Variants in TNC observed in about 807,000 individuals in gnomAD.
TNC encodes the protein tenascin C.
Under a neutral mutation model 202.4 loss-of-function variants are expected in TNC, and 109 were observed. The ratio of observed to expected loss-of-function variants is 0.54; its 90% CI spans 0.46 to 0.63. The LOEUF is 0.63. TNC is among the 30% of genes least tolerant of loss of function. TNC has a pLI of 0.00. For synonymous variants in TNC, 1,007 were observed against 1,089.7 expected (o/e 0.92, Z 1.50); for missense variants, 2,756 against 2,833.3 (o/e 0.97, Z 0.62).
At chr9:115,111,512 G>A (rs1330494809) in intron 1 of TNC, among the ~76,000 whole-genome samples, 1 of 139,710 alleles carries the variant, frequency 7.2e-6, no homozygotes, top group Admixed American at 7.8e-5. Context: ...AAGTTCAAGT[G>A]ATTCTCCTGC....
intron 15 of TNC, among the ~76,000 whole-genome samples, chr9:115,053,215 G>C (rs1831842681): frequency 6.6e-6 from 1 of 152,132 alleles, no homozygotes; most frequent in African/African-American, 2.4e-5. Flanking sequence ...GTGTATATTT[G>C]TGTTCTTTAT....
chr9:115,052,027 G>GATAC (rs1564441752), intron 15 of TNC, among the ~76,000 whole-genome samples: 1 of 149,718 alleles, frequency 6.7e-6, no homozygotes, highest in African/African-American at 2.5e-5. Context: ...GTGGTGTATA[G>GATAC]ATAGATCATA....
intron 6 of TNC, among the ~76,000 whole-genome samples, chr9:115,079,800 T>C (rs1212120922): frequency 6.6e-6 from 1 of 152,192 alleles, no homozygotes; most frequent in Non-Finnish European, 1.5e-5. Context: ...CCCATCCTTT[T>C]CCCCCTTTAC....
rs372541866 is a variant in TNC at position 115,073,703 on chromosome 9, A to G, written c.3114T>C (p.Tyr1038=). ...GTCCTGGTTCCAGGCCTCTCAGGAC[A>G]TAGGAAGTGGTGTTTCTTGGAAGCT... ...GVQLPRNTTS[Y]VLRGLEPGQE... is the part of the protein sequence containing the mutation. Residue 1038 remains tyrosine, a synonymous_variant, in exon 10 of 28, where the codon TAT becomes TAC. Transcript: ENST00000350763. The G allele has an allele frequency of 1.2e-4, 194 of 1,614,028 alleles. No homozygotes were observed. The highest frequency in any genetic ancestry group is 1.6e-4 in the Non-Finnish European group (186 of 1,180,028).
intron 1 of TNC, among the ~76,000 whole-genome samples, chr9:115,092,405 G>C (rs911773319): frequency 6.6e-6 from 1 of 152,180 alleles, no homozygotes; most frequent in African/African-American, 2.4e-5. Context: ...GTTAGAGGCA[G>C]TTGAGAAACT....
intron 18 of TNC, among the ~76,000 whole-genome samples, chr9:115,041,705 T>G (rs1475473311): frequency 1.3e-5 from 2 of 152,210 alleles, no homozygotes; most frequent in Non-Finnish European, 2.9e-5. Context: ...AACAGGTAGC[T>G]TACTACCTGC....
intron 1 of TNC, among the ~76,000 whole-genome samples, chr9:115,115,851 C>T (rs996327217): frequency 9.9e-5 from 15 of 152,146 alleles, no homozygotes; most frequent in African/African-American, 3.6e-4. Context: ...CCCACTTCAA[C>T]CAAAGCAGCC....
At chr9:115,044,397 AC>A (rs1831015277) in intron 17 of TNC, among the ~76,000 whole-genome samples, 1 of 151,406 alleles carries the variant, frequency 6.6e-6, no homozygotes, top group African/African-American at 2.4e-5. Context: ...ACACACACAC[AC>A]ACACACACAC....
intron 25 of TNC, among the ~76,000 whole-genome samples, chr9:115,027,063 T>G (rs1829551614): frequency 6.7e-6 from 1 of 150,162 alleles, no homozygotes; most frequent in Admixed American, 6.6e-5. Context: ...GAGCTGAGAT[T>G]GTGCCACTGC....
Position 115,111,302 on chromosome 9 carries a change from A to C in TNC, c.-137+6680T>G, listed in dbSNP as rs1837029737. ...GATGGCCCAGTGACTTTCTTCTAACAAACAGAATATGACTAAGGTGATGGA... is the reference window on the plus strand; with the variant it reads ...GATGGCCCAGTGACTTTCTTCTAACCAACAGAATATGACTAAGGTGATGGA... On this transcript the variant is annotated intron_variant, in intron 1 of 27. Coordinates refer to ENST00000350763, the MANE Select transcript of TNC (RefSeq NM_002160.4). 2.6e-5 allele frequency among the ~76,000 whole-genome samples: 4 copies of C among 151,958 alleles called. No individual in the cohort carries two copies. In the South Asian group the frequency reaches 8.3e-4, roughly 32 times the overall value.
Position 115,086,169 on chromosome 9 carries a change from C to T in TNC, c.1562G>A (p.Gly521Asp). The T allele has an allele frequency of 6.2e-7, 1 of 1,614,162 alleles. No homozygotes were observed. Among genetic ancestry groups the T allele is most frequent in the East Asian group, 2.2e-5 (1 of 44,886 alleles). ...CVDGQCVCED[G>D]FTGPDCAELS... is the part of the protein sequence containing the mutation. The stretch of plus-strand genomic sequence containing the variant: ...TTCTGCACAGTCAGGGCCGGTGAAG[C>T]CGTCCTCACAGACGCACTGTCCGTC... The change falls in exon 3 of 28, where the codon GGC becomes GAC. Residue 521 changes from glycine to aspartate, a missense_variant. By Grantham distance (94) the Gly-to-Asp change is moderately conservative. This residue lies in a region of TNC where 2,559 missense variants were observed against 2,546.0 expected (regional missense o/e 1.01). Coordinates refer to ENST00000350763, the MANE Select transcript of TNC (RefSeq NM_002160.4).
rs1476219287 is a variant in TNC, at chr9:115,035,513, T to A, written c.5657-179A>T. The A allele has an allele frequency of 2.0e-5, 12 of 589,064 alleles. No homozygotes were observed. The South Asian group carries it at 2.3e-4, about 11-fold the overall frequency. The allele number at this position is 589,064 out of a possible 1,614,324, so 36.5% of individuals were successfully genotyped here. A position where few individuals can be genotyped will look rare whatever the true frequency, so the allele number is the denominator to read the frequency against. On this transcript the variant is annotated intron_variant, in intron 21 of 27. Transcript: ENST00000350763. Reference sequence around the variant, plus strand: ...GAGCCAGATGATCTCCAAAGACAAATTCTCTATGGTTTATCTCATCCTAAG... The same window carrying A: ...GAGCCAGATGATCTCCAAAGACAAAATCTCTATGGTTTATCTCATCCTAAG...
chr9:115,048,754 C>T (rs1003253033), intron 15 of TNC, among the ~76,000 whole-genome samples: 5 of 152,146 alleles, frequency 3.3e-5, no homozygotes, highest in African/African-American at 7.2e-5. Flanking sequence ...TAATTTCACA[C>T]GTGAGCAAAC....
intron 15 of TNC, chr9:115,055,726 G>A (rs1213467502): frequency 6.6e-6 from 1 of 152,426 alleles, no homozygotes; most frequent in Admixed American, 6.5e-5. Flanking sequence ...AGACAGTGAG[G>A]TGGCTAAGAA....
chr9:115,069,883 C>T (rs945106569), intron 10 of TNC, among the ~76,000 whole-genome samples: 11 of 146,850 alleles, frequency 7.5e-5, no homozygotes, highest in East Asian at 4.1e-4. Flanking sequence ...CCAGATTAAG[C>T]GGAATTGAAG....
chr9:115,072,039 TTGTC>T (rs760825111), intron 10 of TNC, among the ~76,000 whole-genome samples: 1 of 152,238 alleles, frequency 6.6e-6, no homozygotes, highest in African/African-American at 2.4e-5. Flanking sequence ...GGACTGCTCA[TTGTC>T]TGCCAAATTT....
At chr9:115,049,213 T>A (rs1476712965) in intron 15 of TNC, among the ~76,000 whole-genome samples, 1 of 152,170 alleles carries the variant, frequency 6.6e-6, no homozygotes, top group Non-Finnish European at 1.5e-5. Context: ...TCTGTCACCA[T>A]CTCTCCTTCA....
chr9:115,039,078 C>T (rs1324766983), intron 19 of TNC, among the ~76,000 whole-genome samples: 1 of 152,190 alleles, frequency 6.6e-6, no homozygotes, highest in Admixed American at 6.5e-5. Flanking sequence ...GATCCACCTT[C>T]CTTGGCCTCC....
At chr9:115,055,990 T>C (rs528818811) in intron 15 of TNC, among the ~76,000 whole-genome samples, 33 of 152,288 alleles carry the variant, frequency 2.2e-4, no homozygotes, top group Non-Finnish European at 4.3e-4. Context: ...AACTGGATAA[T>C]GTTGGCTCTC....
Sources: allele counts gnomAD v4.1 joint callset (sites outside exome capture counted in the v4.1 genomes callset), GRCh38; gene constraint gnomAD v4.1.1; regional missense constraint gnomAD v4.1.1; transcripts MANE v1.5; gene names NCBI Gene and HGNC (gene_info 2026-07-23, HGNC 2026-07-21).